Variants in PNPLA3 observed in about 807,000 individuals in gnomAD.
PNPLA3 encodes patatin like domain 3, 1-acylglycerol-3-phosphate O-acyltransferase.
In PNPLA3, 42 loss-of-function variants were observed where a neutral mutation model predicts 43.1. The observed-to-expected ratio is 0.97, with a 90% CI of 0.76 to 1.26. PNPLA3 has a LOEUF of 1.26. Among genes scored for constraint, PNPLA3 ranks in the 50% most tolerant of loss-of-function variants. PNPLA3 has a pLI of 0.00. For synonymous variants in PNPLA3, 272 were observed against 253.6 expected (o/e 1.07, Z -0.69); for missense variants, 647 against 621.4 (o/e 1.04, Z -0.44).
chr22:43,932,827 A>G, intron 3 of PNPLA3, 51 bp from the exon 4 acceptor site: 2 of 1,544,846 alleles, frequency 1.3e-6, no homozygotes, highest in Non-Finnish European at 1.8e-6. Context: ...GCACTTAAGC[A>G]CTAACCCAGA....
At chr22:43,945,961 C>T (rs112325207) in intron 8 of PNPLA3, among the ~76,000 whole-genome samples, 193 bp from the exon 9 acceptor site, 2,764 of 152,272 alleles carry the variant, frequency 0.018, 92 homozygotes, top group African/African-American at 0.063. Context: ...GGGAGGGCCA[C>T]AGGCTTGGAA....
Position 43,946,443 on chromosome 22 carries a change from T to C in PNPLA3, c.*61T>C. ...GAGGTGCTAAAGTTTCCCATCTTTG[T>C]GCAGCTACCTCCGCATTGCTGTGTA... On this transcript the variant is annotated 3_prime_UTR_variant, in exon 9 of 9. Transcript: ENST00000216180. 6.8e-7 allele frequency: 1 copy of C among 1,474,864 alleles called. No homozygotes were observed. The highest frequency in any genetic ancestry group is 9.5e-7 in the Non-Finnish European group (1 of 1,054,940). 91.4% of individuals were successfully genotyped at this position (1,474,864 alleles called of 1,614,324 possible).
At chr22:43,930,737 C>A (rs1459585000) in intron 3 of PNPLA3, among the ~76,000 whole-genome samples, 3 of 152,160 alleles carry the variant, frequency 2.0e-5, no homozygotes, top group African/African-American at 7.2e-5. Context: ...GATGGAGAAG[C>A]CGAAGCAGGA....
At chr22:43,928,789 C>T (rs780850802) in intron 2 of PNPLA3, 35 bp from the exon 3 acceptor site, 1 of 1,573,010 alleles carries the variant, frequency 6.4e-7, no homozygotes, top group South Asian at 1.1e-5. Flanking sequence ...AAAGGGTGCT[C>T]TCGCCTATAA....
At chr22:43,928,937 T>C (rs1280256637) in intron 3 of PNPLA3, 48 bp downstream of exon 3, 1 of 1,538,918 alleles carries the variant, frequency 6.5e-7, no homozygotes, top group South Asian at 1.1e-5. Flanking sequence ...GCCTCTGAAG[T>C]GTGCTCACAC....
chr22:43,937,239 A>G lies in PNPLA3; in HGVS notation c.946A>G (p.Ile316Val), dbSNP rs976858376. The part of the protein sequence containing the change: ...RLSILPWDES[I>V]LDTLSPRLAT... Reference sequence around the variant, plus strand: ...CAGCATCCTGCCCTGGGATGAGAGCATCCTGGACACCCTCTCGCCCAGGCT... The same window carrying G: ...CAGCATCCTGCCCTGGGATGAGAGCGTCCTGGACACCCTCTCGCCCAGGCT... The change falls in exon 6 of 9, where the codon ATC becomes GTC. Residue 316 changes from isoleucine to valine, a missense_variant. By Grantham distance (29) the Ile-to-Val change is conservative. Coordinates refer to ENST00000216180, the MANE Select transcript of PNPLA3 (RefSeq NM_025225.3). The G allele has an allele frequency of 6.2e-7, 1 of 1,613,988 alleles. No individual in the cohort carries two copies. Among genetic ancestry groups the G allele is most frequent in the African/African-American group, 1.3e-5 (1 of 74,926 alleles).
chr22:43,947,345 G>C lies in PNPLA3; in HGVS notation c.*963G>C, dbSNP rs2050070155. On this transcript the variant is annotated 3_prime_UTR_variant, in exon 9 of 9. Coordinates refer to ENST00000216180, the MANE Select transcript of PNPLA3 (RefSeq NM_025225.3). ...TTTCATTCCAGCCTGGGCAACATGA[G>C]TGAAAGTCTGACTCAAAAAAAAAAA... 7.0e-6 allele frequency: 1 copy of C among 142,022 alleles called. No homozygotes were observed. The highest frequency in any genetic ancestry group is 1.5e-5 in the Non-Finnish European group (1 of 66,630). The allele number at this position is 142,022 out of a possible 1,614,324, so 8.8% of individuals were successfully genotyped here. A position where few individuals can be genotyped will look rare whatever the true frequency, so the allele number is the denominator to read the frequency against.
chr22:43,925,702 G>A (rs1176882124), intron 1 of PNPLA3, among the ~76,000 whole-genome samples: 3 of 152,122 alleles, frequency 2.0e-5, no homozygotes, highest in Non-Finnish European at 4.4e-5. Context: ...AGGAGCAAAG[G>A]GCACGAAATG....
At chr22:43,929,015 C>A in intron 3 of PNPLA3, 126 bp downstream of exon 3, 1 of 965,926 alleles carries the variant, frequency 1.0e-6, no homozygotes. Context: ...CCCCATGCCT[C>A]ACTGCCTTTC....
At chr22:43,945,256 C>T (rs1486156826) in intron 8 of PNPLA3, among the ~76,000 whole-genome samples, 1 of 152,174 alleles carries the variant, frequency 6.6e-6, no homozygotes, top group East Asian at 1.9e-4. Context: ...CCTGGTAATG[C>T]AAGCCCCCTG....
At chr22:43,939,338 A>G (rs1247792494) in intron 6 of PNPLA3, 34 of 939,698 alleles carry the variant, frequency 3.6e-5, no homozygotes, top group Non-Finnish European at 4.2e-5. Context: ...AATTTCAGCT[A>G]TGATATTGGA....
At chr22:43,938,666 A>G (rs2050011587) in intron 6 of PNPLA3, among the ~76,000 whole-genome samples, 1 of 152,240 alleles carries the variant, frequency 6.6e-6, no homozygotes, top group African/African-American at 2.4e-5. Flanking sequence ...ATCACCTCCC[A>G]TCAGGCTCCG....
chr22:43,933,965 G>A (rs1388466196), intron 4 of PNPLA3, among the ~76,000 whole-genome samples: 2 of 152,120 alleles, frequency 1.3e-5, no homozygotes, highest in East Asian at 1.9e-4. Context: ...GTGGCAATTG[G>A]GATAGGCTGC....
chr22:43,939,786 A>G (rs2050019325), intron 6 of PNPLA3, among the ~76,000 whole-genome samples: 3 of 113,618 alleles, frequency 2.6e-5, no homozygotes, highest in African/African-American at 9.5e-5. Flanking sequence ...ATTGCACTCC[A>G]GCCTGGGGGC....
intron 4 of PNPLA3, among the ~76,000 whole-genome samples, chr22:43,934,124 C>T (rs1345642364): frequency 1.3e-5 from 2 of 151,892 alleles, no homozygotes; most frequent in Non-Finnish European, 2.9e-5. Context: ...TGAGACCAGC[C>T]TGGCCAACAT....
chr22:43,939,212 C>G (rs2050015383), intron 6 of PNPLA3: 1 of 227,474 alleles, frequency 4.4e-6, no homozygotes, highest in Non-Finnish European at 7.3e-6. Flanking sequence ...AGGCATGAGC[C>G]ACCATGCCCA....
rs190477302 is a variant in PNPLA3 at position 43,932,990 on chromosome 22, C to T, written c.599C>T (p.Thr200Met). 5.3e-4 allele frequency: 857 copies of T among 1,614,154 alleles called. 1 individual carries two copies. Among genetic ancestry groups the T allele is most frequent in the Non-Finnish European group, 6.9e-4 (817 of 1,180,010 alleles). ...EYDICPKVKS[T>M]NFLHVDITKL... ...GACATCTGCCCTAAAGTCAAGTCCA[C>T]GAACTTTCTTCATGTGGACATCACC... The change falls in exon 4 of 9, where the codon ACG becomes ATG. Residue 200 changes from threonine (T) to methionine (M), a missense_variant. Transcript: ENST00000216180.
intron 7 of PNPLA3, among the ~76,000 whole-genome samples, chr22:43,943,729 A>G (rs1412838599): frequency 6.6e-6 from 1 of 151,934 alleles, no homozygotes; most frequent in East Asian, 1.9e-4. Context: ...ACATCTTTAC[A>G]CGAAGATTTG....
chr22:43,944,641 T>G (rs368230981), intron 7 of PNPLA3, 50 bp from the exon 8 acceptor site: 1 of 1,450,316 alleles, frequency 6.9e-7, no homozygotes, highest in African/African-American at 1.4e-5. Context: ...TGTTGTAAGC[T>G]GTTGTGTCTG....
Sources: allele counts gnomAD v4.1 joint callset (sites outside exome capture counted in the v4.1 genomes callset), GRCh38; gene constraint gnomAD v4.1.1; transcripts MANE v1.5; gene names NCBI Gene and HGNC (gene_info 2026-07-23, HGNC 2026-07-21).